Variants in FHIT observed in about 807,000 individuals in gnomAD.
FHIT encodes bis(5'-adenosyl)-triphosphatase.
A neutral mutation model predicts 17.9 loss-of-function variants in FHIT; 19 were observed. That is an observed-to-expected ratio of 1.06 (90% CI 0.74 to 1.56). FHIT has a LOEUF of 1.56. Among genes scored for constraint, FHIT ranks in the 40% most tolerant of loss-of-function variants. The pLI, the probability that FHIT is intolerant of heterozygous loss-of-function variation, is 0.00. For missense variants in FHIT, 248 were observed against 189.2 expected, an observed-to-expected ratio of 1.31 and a Z score of -1.82; for synonymous variants, 81 against 69.7, an observed-to-expected ratio of 1.16 and a Z score of -0.81.
intron 2 of FHIT, among the ~76,000 whole-genome samples, chr3:61,137,838 C>G (rs1219429512): frequency 2.0e-5 from 3 of 152,208 alleles, no homozygotes; most frequent in Non-Finnish European, 4.4e-5. Flanking sequence ...GTCTTACTCT[C>G]TCCCCATACC....
chr3:60,195,970 G>C (rs1702621892), intron 5 of FHIT, among the ~76,000 whole-genome samples: 1 of 151,962 alleles, frequency 6.6e-6, no homozygotes, highest in African/African-American at 2.4e-5. Flanking sequence ...TTTCAGGCTT[G>C]ACTGCTATAC....
At chr3:61,089,102 T>C (rs6774523) in intron 2 of FHIT, among the ~76,000 whole-genome samples, 11,805 of 152,228 alleles carry the variant, frequency 0.078, 564 homozygotes, top group Middle Eastern at 0.16. Context: ...CAGACTTTTT[T>C]TGAGCAGGGA....
chr3:60,475,307 C>A (rs1384231563), intron 5 of FHIT, among the ~76,000 whole-genome samples: 2 of 152,180 alleles, frequency 1.3e-5, no homozygotes, highest in Admixed American at 6.5e-5. Flanking sequence ...AAATGTTTTT[C>A]TCCCTTAGCT....
chr3:60,187,918 G>C (rs1253274829), intron 5 of FHIT, among the ~76,000 whole-genome samples: 1 of 151,990 alleles, frequency 6.6e-6, no homozygotes, highest in Non-Finnish European at 1.5e-5. Flanking sequence ...TATTTATGTG[G>C]GGATTTTTAT....
intron 5 of FHIT, among the ~76,000 whole-genome samples, chr3:60,259,870 C>G (rs1440457954): frequency 6.6e-6 from 1 of 152,004 alleles, no homozygotes; most frequent in Non-Finnish European, 1.5e-5. Context: ...TATGCCAACT[C>G]AGGGAGTGTG....
intron 3 of FHIT, among the ~76,000 whole-genome samples, chr3:60,853,768 A>G (rs1479410561): frequency 6.6e-6 from 1 of 152,110 alleles, no homozygotes; most frequent in Non-Finnish European, 1.5e-5. Context: ...TGAAAGAAAC[A>G]TAAGTACTCT....
chr3:60,158,364 T>G (rs527439796), intron 5 of FHIT, among the ~76,000 whole-genome samples: 1 of 151,812 alleles, frequency 6.6e-6, no homozygotes, highest in East Asian at 1.9e-4. Flanking sequence ...CAGTCTGGAG[T>G]GCAATGGCGC....
chr3:60,494,061 A>G (rs1281891800), intron 5 of FHIT, among the ~76,000 whole-genome samples: 1 of 152,212 alleles, frequency 6.6e-6, no homozygotes, highest in East Asian at 1.9e-4. Flanking sequence ...AATAACATTC[A>G]CATAACAAAA....
At chr3:60,542,140 A>T (rs369113614) in intron 4 of FHIT, among the ~76,000 whole-genome samples, 87 of 152,326 alleles carry the variant, frequency 5.7e-4, no homozygotes, top group African/African-American at 2.1e-3. Context: ...TTTAAATCCC[A>T]TTCTTCTGTA....
At chr3:60,267,435 T>C (rs945582520) in intron 5 of FHIT, among the ~76,000 whole-genome samples, 4 of 152,138 alleles carry the variant, frequency 2.6e-5, no homozygotes, top group African/African-American at 4.8e-5. Context: ...GTTATGTGAA[T>C]TGTGTTCTCA....
At chr3:60,387,830 C>T (rs1237030415) in intron 5 of FHIT, among the ~76,000 whole-genome samples, 1 of 152,044 alleles carries the variant, frequency 6.6e-6, no homozygotes, top group Non-Finnish European at 1.5e-5. Context: ...AAATCTGATC[C>T]CTAATGTTGG....
At chr3:60,743,567 C>A (rs1401860073) in intron 4 of FHIT, among the ~76,000 whole-genome samples, 1 of 152,190 alleles carries the variant, frequency 6.6e-6, no homozygotes, top group Admixed American at 6.5e-5. Flanking sequence ...TGACTTCACA[C>A]CACAGTCCAG....
chr3:60,023,588 A>G (rs1459313500), intron 5 of FHIT, among the ~76,000 whole-genome samples: 1 of 152,202 alleles, frequency 6.6e-6, no homozygotes, highest in Admixed American at 6.5e-5. Context: ...GAGCAACCAG[A>G]CAACACAGTT....
At chr3:60,399,675 G>A (rs1391212582) in intron 5 of FHIT, among the ~76,000 whole-genome samples, 1 of 152,058 alleles carries the variant, frequency 6.6e-6, no homozygotes, top group Non-Finnish European at 1.5e-5. Flanking sequence ...ACAATGAGGT[G>A]GTAATTTACT....
At chr3:59,875,748 A>C (rs1646300681) in intron 8 of FHIT, among the ~76,000 whole-genome samples, 1 of 152,136 alleles carries the variant, frequency 6.6e-6, no homozygotes. Flanking sequence ...GCTTAACAAG[A>C]GATGGGAAGC....
chr3:59,946,508 A>C (rs945067683), intron 7 of FHIT, among the ~76,000 whole-genome samples: 3 of 152,060 alleles, frequency 2.0e-5, no homozygotes, highest in Admixed American at 1.3e-4. Flanking sequence ...TATGCCTTTT[A>C]TTTCTTTCTC....
chr3:60,456,908 C>G (rs1288823129), intron 5 of FHIT, among the ~76,000 whole-genome samples: 1 of 152,086 alleles, frequency 6.6e-6, no homozygotes, highest in Non-Finnish European at 1.5e-5. Flanking sequence ...GAACTACAAA[C>G]CACTGCTCAA....
chr3:60,114,050 T>A (rs1576128284), intron 5 of FHIT, among the ~76,000 whole-genome samples: 2 of 71,876 alleles, frequency 2.8e-5, no homozygotes, highest in Non-Finnish European at 5.3e-5. Flanking sequence ...TATATATATA[T>A]ATATATATAT....
intron 5 of FHIT, among the ~76,000 whole-genome samples, chr3:60,246,498 G>T (rs1437163368): frequency 6.6e-6 from 1 of 152,062 alleles, no homozygotes; most frequent in Non-Finnish European, 1.5e-5. Flanking sequence ...AGCAGAAAAT[G>T]GGAGTCTTTA....
Sources: gnomAD v4.1 joint callset for allele counts (sites outside exome capture counted in the v4.1 genomes callset) on GRCh38, gnomAD v4.1.1 for gene constraint, MANE v1.5 for transcripts, NCBI Gene and HGNC (gene_info 2026-07-23, HGNC 2026-07-21) for gene names.